The following PLB1 variants were observed in gnomAD, a reference collection of about 807,000 sequenced individuals.
PLB1 encodes phospholipase B1, also known as phospholipase B1, membrane-associated.
PLB1 carries 242 observed loss-of-function variants against 227.4 expected under a neutral mutation model. That is an observed-to-expected ratio of 1.06 (90% CI 0.96 to 1.18). PLB1 has a LOEUF of 1.18. Ranked by LOEUF, PLB1 falls within the 50% of genes most tolerant of loss-of-function variation. PLB1 has a pLI of 0.00. For missense variants in PLB1, 1,858 were observed against 1,816.3 expected, an observed-to-expected ratio of 1.02 and a Z score of -0.42; for synonymous variants, 757 against 682.2, an observed-to-expected ratio of 1.11 and a Z score of -1.71.
At chr2:28,609,766 T>G (rs565076319) in intron 43 of PLB1, among the ~76,000 whole-genome samples, 73 of 152,216 alleles carry the variant, frequency 4.8e-4, no homozygotes, top group African/African-American at 1.7e-3. Flanking sequence ...TTCATTAGGG[T>G]TTTCAAGCTC....
At chr2:28,585,660 G>A in intron 25 of PLB1, 101 bp from the exon 26 acceptor site, 1 of 1,002,108 alleles carries the variant, frequency 1.0e-6, no homozygotes, top group South Asian at 1.3e-5. Context: ...TGAACTCCAA[G>A]TTAAAAGAAA....
chr2:28,606,538 G>A lies in PLB1; in HGVS notation c.3100G>A (p.Ala1034Thr). 6.2e-7 allele frequency: 1 copy of A among 1,614,212 alleles called. No homozygotes were observed. Among genetic ancestry groups the A allele is most frequent in the South Asian group, 1.1e-5 (1 of 91,090 alleles). Residue 1034 changes from alanine (A) to threonine (T), a missense_variant, in exon 43 of 58, where the codon GCA becomes ACA. Transcript: ENST00000327757. ...CAAAACAGAGACCCTGGACCTGAGA[G>A]CAGAGATGCCCATCACCTGTCCCAC... ...GSKTETLDLR[A>T]EMPITCPTQN...
intron 37 of PLB1, 77 bp from the exon 38 acceptor site, chr2:28,601,822 A>C (rs1005883998): frequency 3.8e-5 from 48 of 1,249,858 alleles, no homozygotes; most frequent in Non-Finnish European, 4.6e-5. Context: ...CTGGAGCCAG[A>C]AGGGAAGTTG....
chr2:28,568,383 T>C (rs1677421486), intron 20 of PLB1, among the ~76,000 whole-genome samples: 1 of 152,244 alleles, frequency 6.6e-6, no homozygotes, highest in Non-Finnish European at 1.5e-5. Context: ...GAGACAATGT[T>C]ACCCCACAGG....
chr2:28,546,987 G>C (rs4665425), intron 14 of PLB1, among the ~76,000 whole-genome samples: 72,677 of 151,638 alleles, frequency 0.48, 17,783 homozygotes, highest in East Asian at 0.76. Flanking sequence ...AATGCTTAAG[G>C]CCAGGAATTT....
chr2:28,618,172 G>A (rs1326735162), intron 45 of PLB1, among the ~76,000 whole-genome samples, 169 bp from the exon 46 acceptor site: 1 of 152,206 alleles, frequency 6.6e-6, no homozygotes, highest in East Asian at 1.9e-4. Context: ...TCCCTGCAGT[G>A]CCTTGGTTGG....
chr2:28,597,656 C>G (rs551521256), intron 33 of PLB1, among the ~76,000 whole-genome samples: 12 of 152,300 alleles, frequency 7.9e-5, no homozygotes. Flanking sequence ...TTTTCTTACT[C>G]TGTAAAATGG....
At chr2:28,578,187 G>GA (rs1250984954) in intron 22 of PLB1, 29 bp downstream of exon 22, 3 of 1,609,316 alleles carry the variant, frequency 1.9e-6, no homozygotes, top group Non-Finnish European at 1.7e-6. Flanking sequence ...AAGTAGGCAG[G>GA]AAAAATCCCT....
intron 4 of PLB1, 49 bp from the exon 5 acceptor site, chr2:28,525,218 G>A (rs773884027): frequency 5.1e-6 from 8 of 1,582,744 alleles, no homozygotes; most frequent in African/African-American, 1.3e-5. Context: ...ACTAGAAGAG[G>A]CTCTGCCACC....
intron 6 of PLB1, 96 bp downstream of exon 6, chr2:28,526,041 A>C: frequency 7.3e-7 from 1 of 1,375,314 alleles, no homozygotes; most frequent in Non-Finnish European, 1.0e-6. Flanking sequence ...ACCACCAGCC[A>C]CTTTATCACT....
chr2:28,606,368 CAG>C (rs1236773171), intron 42 of PLB1, 126 bp from the exon 43 acceptor site: 1 of 904,096 alleles, frequency 1.1e-6, no homozygotes, highest in Non-Finnish European at 1.7e-6. Context: ...CTGGCAGAGC[CAG>C]AAGTGGGAGC....
chr2:28,627,920 C>T (rs560088969), intron 51 of PLB1, among the ~76,000 whole-genome samples: 1 of 152,242 alleles, frequency 6.6e-6, no homozygotes, highest in East Asian at 1.9e-4. Context: ...GCCTGTAGCC[C>T]AGAGCCACAT....
chr2:28,504,413 A>AT (rs544301444), intron 1 of PLB1, among the ~76,000 whole-genome samples: 176 of 152,330 alleles, frequency 1.2e-3, no homozygotes, highest in African/African-American at 4.1e-3. Context: ...TTGGATTCCC[A>AT]TAAAAACTTC....
In PLB1 at chr2:28,614,055, C is replaced by G. The variant is rs150999428; in HGVS notation, c.3154C>G (p.Arg1052Gly). ...GAATGAGCCCTTCCTGAGAACCCCT[C>G]GGAATAGTAACTACACGTACCCCAT... ...TQNEPFLRTPRNSNYTYPIKP... is the reference protein window; with the variant it reads ...TQNEPFLRTPGNSNYTYPIKP... The change falls in exon 44 of 58, where the codon CGG becomes GGG. Residue 1052 changes from arginine (R) to glycine (G), a missense_variant. Coordinates refer to ENST00000327757, the MANE Select transcript of PLB1 (RefSeq NM_153021.5). The G allele has an allele frequency of 6.2e-7, 1 of 1,613,050 alleles. No individual in the cohort carries two copies. The highest frequency in any genetic ancestry group is 1.3e-5 in the African/African-American group (1 of 74,902).
chr2:28,528,496 G>A (rs960619488), intron 6 of PLB1, among the ~76,000 whole-genome samples: 5 of 152,212 alleles, frequency 3.3e-5, no homozygotes, highest in African/African-American at 4.8e-5. Flanking sequence ...AGAAGGGAGG[G>A]GGGCTGGAAG....
At chr2:28,573,038 C>A (rs1310219150) in intron 20 of PLB1, among the ~76,000 whole-genome samples, 159 bp from the exon 21 acceptor site, 2 of 152,210 alleles carry the variant, frequency 1.3e-5, no homozygotes, top group Non-Finnish European at 2.9e-5. Flanking sequence ...TAAGCGCCAT[C>A]CTGCTGAACA....
intron 17 of PLB1, among the ~76,000 whole-genome samples, chr2:28,558,156 C>CTG (rs3041209): frequency 0.17 from 25,471 of 150,348 alleles, 2,603 homozygotes; most frequent in East Asian, 0.48. Context: ...GTGTGTGTCT[C>CTG]TGTGTGTGTG....
At chr2:28,612,454 T>TC (rs1231933995) in intron 43 of PLB1, among the ~76,000 whole-genome samples, 1 of 152,154 alleles carries the variant, frequency 6.6e-6, no homozygotes, top group African/African-American at 2.4e-5. Context: ...CTGGAACCCG[T>TC]CCCTTCCTCA....
rs3071740 is a variant in PLB1 at position 28,601,469 on chromosome 2, CCACACACACACACA to C, written c.2607+155_2607+168del. On this transcript the variant is annotated intron_variant, in intron 37 of 57. Coordinates refer to ENST00000327757, the MANE Select transcript of PLB1 (RefSeq NM_153021.5). The stretch of plus-strand genomic sequence containing the variant: ...ACCTATGTCTGCACATATACACATA[CCACACACACACACA>C]CACACACACACACACACTTCTTACC... The C allele has an allele frequency of 1.0e-4, 60 of 600,272 alleles. No individual in the cohort carries two copies. The African/African-American group carries it at 1.1e-3, about 11-fold the overall frequency. The allele number at this position is 600,272 out of a possible 1,614,324, so 37.2% of individuals were successfully genotyped here. A position where few individuals can be genotyped will look rare whatever the true frequency, so the allele number is the denominator to read the frequency against.
Sources: gnomAD v4.1 joint callset for allele counts (sites outside exome capture counted in the v4.1 genomes callset) on GRCh38, gnomAD v4.1.1 for gene constraint, MANE v1.5 for transcripts, NCBI Gene and HGNC (gene_info 2026-07-23, HGNC 2026-07-21) for gene names.